Variants in RMST observed in about 807,000 individuals in gnomAD.
RMST encodes rhabdomyosarcoma 2 associated transcript, also known as long intergenic non-protein coding RNA 54.
chr12:97,512,097 G>A (rs919923907), intron 10 of RMST, among the ~76,000 whole-genome samples: 1 of 152,170 alleles, frequency 6.6e-6, no homozygotes, highest in Non-Finnish European at 1.5e-5. Flanking sequence ...GTTCGGATGT[G>A]TTCAGAGTTT....
At chr12:97,488,273 A>G (rs1172498174) in intron 5 of RMST, among the ~76,000 whole-genome samples, 1 of 152,026 alleles carries the variant, frequency 6.6e-6, no homozygotes, top group Non-Finnish European at 1.5e-5. Flanking sequence ...AGCTACTCAG[A>G]AGGCTGAGGC....
rs12297816 is a variant in RMST, at chr12:97,478,379, A to G, written n.644+12652A>G. Among the ~76,000 whole-genome samples the G allele has an allele frequency of 1.9e-3, 286 of 152,342 alleles. 1 individual carries two copies. Among genetic ancestry groups the G allele is most frequent in the African/African-American group, 6.7e-3 (277 of 41,586 alleles). ...ATCTGTAGTCTTCTCTTAACTGAAA[A>G]TTCTGGTAGAGGAAACCATGAAGTG... On this transcript the variant is annotated intron_variant and non_coding_transcript_variant, in intron 5 of 13. Coordinates refer to ENST00000640149, the Ensembl canonical transcript of RMST.
intron 11 of RMST, among the ~76,000 whole-genome samples, chr12:97,536,860 T>C (rs904265379): frequency 1.3e-5 from 2 of 151,510 alleles, no homozygotes; most frequent in Admixed American, 1.3e-4. Context: ...AAATCTCCCC[T>C]TAGCCAGAAC....
chr12:97,481,660 G>T (rs1239703721), intron 5 of RMST, among the ~76,000 whole-genome samples: 1 of 152,162 alleles, frequency 6.6e-6, no homozygotes, highest in Non-Finnish European at 1.5e-5. Context: ...TGGCCGGTGT[G>T]CCAGGCAGAA....
intron 10 of RMST, among the ~76,000 whole-genome samples, chr12:97,507,496 T>C (rs78438258): frequency 7.9e-5 from 12 of 152,094 alleles, no homozygotes; most frequent in African/African-American, 2.4e-4. Flanking sequence ...TAGTGGCCAG[T>C]TGAATGAGAT....
At chr12:97,519,567 T>C (rs940179942) in intron 10 of RMST, among the ~76,000 whole-genome samples, 1 of 152,176 alleles carries the variant, frequency 6.6e-6, no homozygotes, top group Non-Finnish European at 1.5e-5. Context: ...AATCGTATAA[T>C]TTTTTCCCCA....
intron 10 of RMST, among the ~76,000 whole-genome samples, chr12:97,506,953 A>C (rs1878755140): frequency 6.6e-6 from 1 of 152,100 alleles, no homozygotes; most frequent in Non-Finnish European, 1.5e-5. Flanking sequence ...AAGTGCTGGG[A>C]TTATAGGCAT....
chr12:97,515,417 G>A (rs1879826367), intron 10 of RMST, among the ~76,000 whole-genome samples: 1 of 152,060 alleles, frequency 6.6e-6, no homozygotes, highest in Admixed American at 6.6e-5. Context: ...AGTAAGTTGT[G>A]GCAGACCTGG....
chr12:97,543,441 C>T (rs1882705893), intron 11 of RMST, among the ~76,000 whole-genome samples: 1 of 151,942 alleles, frequency 6.6e-6, no homozygotes, highest in Non-Finnish European at 1.5e-5. Flanking sequence ...TTTTTCTGCC[C>T]TGTTTAATAC....
intron 10 of RMST, chr12:97,530,338 C>T (rs1881513615): frequency 6.6e-6 from 1 of 152,084 alleles, no homozygotes; most frequent in Non-Finnish European, 1.5e-5. Flanking sequence ...GAACTACTGT[C>T]TGAGATCTGA....
chr12:97,485,786 C>T (rs571019230), intron 5 of RMST, among the ~76,000 whole-genome samples: 10 of 152,340 alleles, frequency 6.6e-5, no homozygotes, highest in East Asian at 1.9e-4. Flanking sequence ...TCCATCAAGG[C>T]GCAGCCATCT....
chr12:97,563,610 T>C (rs1884301533), intron 13 of RMST: 1 of 350,400 alleles, frequency 2.9e-6, no homozygotes, highest in Non-Finnish European at 5.5e-6. Context: ...TTGCTGAGTG[T>C]CTCTTGGTCT....
chr12:97,531,549 G>A (rs984609211), intron 11 of RMST, among the ~76,000 whole-genome samples: 15 of 151,942 alleles, frequency 9.9e-5, no homozygotes, highest in East Asian at 3.9e-4. Flanking sequence ...ATTAATGAGC[G>A]TGAATATTGA....
At chr12:97,531,976 A>G (rs936940417) in intron 11 of RMST, among the ~76,000 whole-genome samples, 3 of 151,926 alleles carry the variant, frequency 2.0e-5, no homozygotes, top group Non-Finnish European at 2.9e-5. Context: ...AAATTTGACA[A>G]TCACATTTTA....
At chr12:97,558,349 A>G (rs1489546121) in intron 11 of RMST, among the ~76,000 whole-genome samples, 1 of 152,186 alleles carries the variant, frequency 6.6e-6, no homozygotes, top group Non-Finnish European at 1.5e-5. Flanking sequence ...TAAAAGACGA[A>G]CACAGGTGGC....
intron 13 of RMST, among the ~76,000 whole-genome samples, chr12:97,562,835 G>T: frequency 6.6e-6 from 1 of 152,148 alleles, no homozygotes; most frequent in Non-Finnish European, 1.5e-5. Flanking sequence ...ACCTCTAGAT[G>T]GAAATAGCTT....
At chr12:97,517,903 G>A (rs1880101709) in intron 10 of RMST, among the ~76,000 whole-genome samples, 1 of 152,102 alleles carries the variant, frequency 6.6e-6, no homozygotes, top group South Asian at 2.1e-4. Flanking sequence ...CCTTGAAATG[G>A]TGTATCAGTT....
intron 5 of RMST, among the ~76,000 whole-genome samples, chr12:97,467,685 C>T (rs1041593322): frequency 2.6e-5 from 4 of 151,932 alleles, no homozygotes; most frequent in African/African-American, 2.4e-5. Flanking sequence ...ATAATACTTA[C>T]TTATAGTTTC....
chr12:97,550,742 C>T (rs1883255001), intron 11 of RMST, among the ~76,000 whole-genome samples: 1 of 152,132 alleles, frequency 6.6e-6, no homozygotes, highest in Non-Finnish European at 1.5e-5. Flanking sequence ...AACATAGCAT[C>T]ATATTTTGTG....
Sources: gnomAD v4.1 joint callset for allele counts (sites outside exome capture counted in the v4.1 genomes callset) on GRCh38, gnomAD v4.1.1 for gene constraint, MANE v1.5 for transcripts, NCBI Gene and HGNC (gene_info 2026-07-23, HGNC 2026-07-21) for gene names.